The following DIP2A variants were observed in gnomAD, a reference collection of about 807,000 sequenced individuals.
DIP2A encodes DIP2 acetate--CoA ligase A.
DIP2A carries 85 observed loss-of-function variants against 177.4 expected under a neutral mutation model. The observed-to-expected ratio is 0.48, with a 90% CI of 0.40 to 0.57. The LOEUF (loss-of-function observed/expected upper bound fraction) is 0.57. Among genes scored for constraint, DIP2A ranks in the 20% least tolerant of loss-of-function variants. The pLI is 0.00. For synonymous variants in DIP2A, 886 were observed against 881.8 expected (o/e 1.00, Z -0.08); for missense variants, 1,791 against 2,100.2 (o/e 0.85, Z 2.88).
At chr21:46,499,245 G>A (rs1002450987) in intron 5 of DIP2A, among the ~76,000 whole-genome samples, 1 of 152,144 alleles carries the variant, frequency 6.6e-6, no homozygotes, top group African/African-American at 2.4e-5. Context: ...GTCCTTTGGG[G>A]CATGGGGCAT....
intron 8 of DIP2A, among the ~76,000 whole-genome samples, chr21:46,515,598 G>A (rs975983183): frequency 4.6e-5 from 7 of 152,038 alleles, no homozygotes; most frequent in African/African-American, 1.7e-4. Flanking sequence ...GTGCAAGGGC[G>A]TGATCTCGGC....
chr21:46,482,394 G>C (rs2148418636), intron 1 of DIP2A, among the ~76,000 whole-genome samples: 1 of 152,308 alleles, frequency 6.6e-6, no homozygotes, highest in South Asian at 2.1e-4. Context: ...TTACTCACGT[G>C]TTTGTGGTGA....
chr21:46,557,052 C>T lies in DIP2A; in HGVS notation c.3612C>T (p.Ala1204=). Reference sequence around the variant, plus strand: ...ACCCCTACTGTGGCCTTGGTTTTGCCCTGTGGTGTCTGTGCAGGTGAGTGC... The same window carrying T: ...ACCCCTACTGTGGCCTTGGTTTTGCTCTGTGGTGTCTGTGCAGGTGAGTGC... ...CLDPYCGLGF[A]LWCLCSVYSG... Residue 1204 remains alanine (A), a synonymous_variant, in exon 30 of 38, where the codon GCC becomes GCT. Coordinates refer to ENST00000417564, the MANE Select transcript of DIP2A (RefSeq NM_015151.4). This position sits in a 1 kb window ranked among gnomAD's most constrained non-coding sequence, Gnocchi z 6.0. 2 of 1,607,224 alleles carry T rather than the reference C, an allele frequency of 1.2e-6. No homozygotes were observed. The highest frequency in any genetic ancestry group is 1.7e-6 in the Non-Finnish European group (2 of 1,177,208).
At chr21:46,485,249 TG>T in intron 2 of DIP2A, among the ~76,000 whole-genome samples, 1 of 150,098 alleles carries the variant, frequency 6.7e-6, no homozygotes, top group Non-Finnish European at 1.5e-5. Context: ...TGTGTGTGTG[TG>T]TGTGTGTAAC....
intron 3 of DIP2A, among the ~76,000 whole-genome samples, chr21:46,495,244 T>TCTCTCTC (rs2057273584): frequency 2.6e-5 from 1 of 38,176 alleles, no homozygotes; most frequent in African/African-American, 1.2e-4. Context: ...CTTCTCTTCT[T>TCTCTCTC]TCTCTCTCTC....
chr21:46,546,527 C>G (rs990677982), intron 20 of DIP2A, among the ~76,000 whole-genome samples: 5 of 152,190 alleles, frequency 3.3e-5, no homozygotes, highest in Non-Finnish European at 5.9e-5. Context: ...TCCCTGGTGC[C>G]GGGTTTGGGA....
intron 1 of DIP2A, among the ~76,000 whole-genome samples, chr21:46,469,465 T>C (rs2055161502): frequency 6.6e-6 from 1 of 152,402 alleles, no homozygotes; most frequent in African/African-American, 2.4e-5. Context: ...CTGTTGCTCC[T>C]GTCCTCCTGT....
At chr21:46,480,407 C>T (rs759571678) in intron 1 of DIP2A, among the ~76,000 whole-genome samples, 3 of 152,146 alleles carry the variant, frequency 2.0e-5, no homozygotes, top group East Asian at 1.9e-4. Flanking sequence ...TCCCATGACA[C>T]GTGGGGATTA....
At chr21:46,485,776 G>A (rs147392855) in intron 2 of DIP2A, among the ~76,000 whole-genome samples, 1 of 152,086 alleles carries the variant, frequency 6.6e-6, no homozygotes, top group Non-Finnish European at 1.5e-5. Context: ...ACACAAATAA[G>A]AAGTAGTATC....
At chr21:46,574,227 A>G (rs1483546018), downstream of DIP2A, among the ~76,000 whole-genome samples, 1 of 152,176 alleles carries the variant, frequency 6.6e-6, no homozygotes, top group Non-Finnish European at 1.5e-5. Context: ...AGTGAAAATT[A>G]ACACACTTTC....
At chr21:46,515,826 A>G (rs2058549442) in intron 8 of DIP2A, among the ~76,000 whole-genome samples, 1 of 152,122 alleles carries the variant, frequency 6.6e-6, no homozygotes, top group Admixed American at 6.5e-5. Flanking sequence ...GTGAGCTCCC[A>G]TGCCCGGCCC....
At chr21:46,552,548 G>A (rs1205165695) in intron 25 of DIP2A, among the ~76,000 whole-genome samples, 1 of 152,196 alleles carries the variant, frequency 6.6e-6, no homozygotes, top group Non-Finnish European at 1.5e-5. Context: ...CACCATACAA[G>A]CTGTAAGAAC....
At chr21:46,524,980 G>A (rs545118261) in intron 8 of DIP2A, among the ~76,000 whole-genome samples, 5 of 139,062 alleles carry the variant, frequency 3.6e-5, no homozygotes, top group South Asian at 4.6e-4. Context: ...TCTGCCTTCC[G>A]GATCAAACAA....
chr21:46,491,661 CTGT>C (rs2057023048), intron 3 of DIP2A, among the ~76,000 whole-genome samples: 1 of 152,218 alleles, frequency 6.6e-6, no homozygotes, highest in South Asian at 2.1e-4. Flanking sequence ...TCACTGAGCA[CTGT>C]TGTCCTCATG....
downstream of DIP2A, among the ~76,000 whole-genome samples, chr21:46,574,335 G>C (rs987578647): frequency 2.6e-5 from 4 of 152,122 alleles, no homozygotes. Flanking sequence ...AGCAAAAGCA[G>C]TGCTAAAGAA....
At chr21:46,570,908 C>T (rs2060956588), downstream of DIP2A, among the ~76,000 whole-genome samples, 1 of 152,130 alleles carries the variant, frequency 6.6e-6, no homozygotes, top group South Asian at 2.1e-4. Context: ...AAAGAGACCA[C>T]ACAGATACCA....
At chr21:46,477,543 T>TTTTGTG (rs374607636) in intron 1 of DIP2A, among the ~76,000 whole-genome samples, 6 of 87,130 alleles carry the variant, frequency 6.9e-5, no homozygotes, top group East Asian at 3.4e-4. Flanking sequence ...AAAAAAAGAT[T>TTTTGTG]TGTGTGTGTG....
intron 8 of DIP2A, 44 bp downstream of exon 8, chr21:46,511,658 GA>G (rs2058320254): frequency 6.7e-7 from 1 of 1,481,946 alleles, no homozygotes; most frequent in Non-Finnish European, 9.0e-7. Flanking sequence ...GTTAGCTGTA[GA>G]ATGTCACACA....
At chr21:46,503,131 T>C (rs1028299753) in intron 5 of DIP2A, among the ~76,000 whole-genome samples, 7 of 152,062 alleles carry the variant, frequency 4.6e-5, no homozygotes, top group Non-Finnish European at 1.0e-4. Flanking sequence ...AAGACCAGCT[T>C]GGCCAATATG....
Sources: allele counts gnomAD v4.1 joint callset (sites outside exome capture counted in the v4.1 genomes callset), GRCh38; gene constraint gnomAD v4.1.1; non-coding constraint Gnocchi (gnomAD v3.1); transcripts MANE v1.5; gene names NCBI Gene and HGNC (gene_info 2026-07-23, HGNC 2026-07-21).